The following RRP7A variants were observed in gnomAD, a reference collection of about 807,000 sequenced individuals.
The protein encoded by RRP7A is ribosomal RNA-processing protein 7 homolog A.
In RRP7A, 27 loss-of-function variants were observed where a neutral mutation model predicts 38.4. The observed-to-expected ratio is 0.70, with a 90% CI of 0.52 to 0.97. RRP7A has a LOEUF of 0.97. Among genes scored for constraint, RRP7A ranks in the 50% least tolerant of loss-of-function variants. The pLI, the probability that RRP7A is intolerant of heterozygous loss-of-function variation, is 0.00. For missense variants in RRP7A, 327 were observed against 375.4 expected, an observed-to-expected ratio of 0.87 and a Z score of 1.07; for synonymous variants, 124 against 150.3, an observed-to-expected ratio of 0.83 and a Z score of 1.28.
chr22:42,512,799 C>T lies in RRP7A; in HGVS notation c.*111G>A. On this transcript the variant is annotated 3_prime_UTR_variant, in exon 7 of 7. Transcript: ENST00000323013. Reference sequence around the variant, plus strand: ...TGATGGGGCTGTTGGACGCGGTGGCCTTCAACCTGGGGCCCGTTGGCCAGA... The same window carrying T: ...TGATGGGGCTGTTGGACGCGGTGGCTTTCAACCTGGGGCCCGTTGGCCAGA... 1 of 1,164,528 alleles carries T rather than the reference C, an allele frequency of 8.6e-7. No homozygotes were observed. The highest frequency in any genetic ancestry group is 1.3e-6 in the Non-Finnish European group (1 of 794,036). 72.1% of individuals were successfully genotyped at this position (1,164,528 alleles called of 1,614,324 possible). A position where few individuals can be genotyped will look rare whatever the true frequency, so the allele number is the denominator to read the frequency against.
chr22:42,517,382 G>A (rs1291360862), intron 2 of RRP7A, among the ~76,000 whole-genome samples: 17 of 147,890 alleles, frequency 1.1e-4, no homozygotes, highest in Admixed American at 4.0e-4. Context: ...AGTTGTGTTT[G>A]GATAGAATTA....
At position 42,514,106 on chromosome 22, in the gene RRP7A, G is replaced by T; in HGVS notation, c.757C>A (p.His253Asn). The T allele has an allele frequency of 1.9e-6, 3 of 1,611,730 alleles. No individual in the cohort carries two copies. Among genetic ancestry groups the T allele is most frequent in the Non-Finnish European group, 2.5e-6 (3 of 1,179,328 alleles). The stretch of plus-strand genomic sequence containing the variant: ...TGAGGATGGACTGGGGGTGGCTTAC[G>T]CTCCATCTTGCTCTCTCGATGCTGC... Reference protein sequence around the residue: ...AWQHRESKMEHLAQLRKKFEE... With the variant: ...AWQHRESKMENLAQLRKKFEE... Residue 253 changes from histidine to asparagine, a missense_variant and splice_region_variant, in exon 6 of 7, where the codon CAT becomes AAT. This residue lies in a region of RRP7A where 84 missense variants were observed against 82.8 expected (regional missense o/e 1.01). Transcript: ENST00000323013.
In RRP7A at chr22:42,509,457, C is replaced by T. The variant is rs1439688732; in HGVS notation, c.*3453G>A. ...AAACGATTCTCCTGCCTCAGCCTCCCGAGTAGCTGGGACTACAGGCGCCCG... is the reference window on the plus strand; with the variant it reads ...AAACGATTCTCCTGCCTCAGCCTCCTGAGTAGCTGGGACTACAGGCGCCCG... On this transcript the variant is annotated 3_prime_UTR_variant, in exon 7 of 7. Transcript: ENST00000323013. Among the ~76,000 whole-genome samples the T allele has an allele frequency of 1.3e-5, 2 of 150,588 alleles. No homozygotes were observed. The highest frequency in any genetic ancestry group is 3.9e-4 in the East Asian group (2 of 5,162).
chr22:42,518,359 G>A (rs866092990), intron 1 of RRP7A, among the ~76,000 whole-genome samples: 778 of 150,268 alleles, frequency 5.2e-3, no homozygotes, highest in African/African-American at 0.019. Context: ...GGCGGTGCAG[G>A]GAGAGAGAAG....
At chr22:42,515,686 G>A in intron 3 of RRP7A, among the ~76,000 whole-genome samples, 1 of 152,172 alleles carries the variant, frequency 6.6e-6, no homozygotes, top group East Asian at 1.9e-4. Flanking sequence ...CAGTGCTCCT[G>A]GAGACCCGGC....
rs1427503358 is a variant in RRP7A, at chr22:42,510,566, T to C, written c.*2344A>G. 31 of 608,080 alleles carry C rather than the reference T, an allele frequency of 5.1e-5. No homozygotes were observed. The highest frequency in any genetic ancestry group is 5.4e-6 in the Non-Finnish European group (2 of 367,478). The allele number at this position is 608,080 out of a possible 1,614,324, so 37.7% of individuals were successfully genotyped here. A position where few individuals can be genotyped will look rare whatever the true frequency, so the allele number is the denominator to read the frequency against. ...TCAGAGGCCTGAACCCAGGGCAGGA[T>C]GGGGGCACCGCTGGGAGGCGGTTCT... On this transcript the variant is annotated 3_prime_UTR_variant, in exon 7 of 7. Coordinates refer to ENST00000323013, the MANE Select transcript of RRP7A (RefSeq NM_015703.5).
chr22:42,516,092 A>G lies in RRP7A; in HGVS notation c.261T>C (p.Ser87=). ...RLLSTCGLVQ[S]VELQEKPDLA... ...GGTCCGGCTTCTCCTGCAACTCTAC[A>G]GACTGGACGAGGCCACAGGTGGACA... The change falls in exon 3 of 7, where the codon TCT becomes TCC. Residue 87 remains serine (S), a synonymous_variant. Coordinates refer to ENST00000323013, the MANE Select transcript of RRP7A (RefSeq NM_015703.5). 2 of 1,613,764 alleles carry G rather than the reference A, an allele frequency of 1.2e-6. No individual in the cohort carries two copies. The highest frequency in any genetic ancestry group is 1.7e-6 in the Non-Finnish European group (2 of 1,179,810).
intron 6 of RRP7A, among the ~76,000 whole-genome samples, chr22:42,513,214 G>A (rs1270854361): frequency 6.2e-5 from 9 of 145,016 alleles, no homozygotes; most frequent in Non-Finnish European, 1.4e-4. Context: ...CAAAGTGGGA[G>A]ATGCTGGCAC....
Position 42,512,846 on chromosome 22 carries a change from T to C in RRP7A, c.*64A>G, listed in dbSNP as rs1200928929. The C allele has an allele frequency of 5.9e-6, 9 of 1,533,136 alleles. No homozygotes were observed. The African/African-American group carries it at 8.2e-5, about 14-fold the overall frequency. The allele number at this position is 1,533,136 out of a possible 1,614,324, so 95.0% of individuals were successfully genotyped here. ...CAGAGCTCGGCCTCTCAGAGACCGCTGCAGGCCCTGCCTCGCCTCCTCCTG... is the reference window on the plus strand; with the variant it reads ...CAGAGCTCGGCCTCTCAGAGACCGCCGCAGGCCCTGCCTCGCCTCCTCCTG... On this transcript the variant is annotated 3_prime_UTR_variant, in exon 7 of 7. Coordinates refer to ENST00000323013, the MANE Select transcript of RRP7A (RefSeq NM_015703.5).
In RRP7A at chr22:42,509,830, T is replaced by A. The variant is rs1932390178; in HGVS notation, c.*3080A>T. The A allele has an allele frequency of 3.4e-5, 1 of 29,322 alleles. No individual in the cohort carries two copies. The highest frequency in any genetic ancestry group is 8.1e-5 in the Non-Finnish European group (1 of 12,356). The allele number at this position is 29,322 out of a possible 1,614,324, so 1.8% of individuals were successfully genotyped here. ...TCATGGTTGCTCAGGACCGGAAGCC[T>A]GTTGGGGGTGGGGGGGTGGGGTGTG... On this transcript the variant is annotated 3_prime_UTR_variant, in exon 7 of 7. Transcript: ENST00000323013.
chr22:42,514,087 T>G lies in RRP7A; in HGVS notation c.757+19A>C. On this transcript the variant is annotated intron_variant, in intron 6 of 6. Coordinates refer to ENST00000323013, the MANE Select transcript of RRP7A (RefSeq NM_015703.5). ...GGGCCAAGGCCGAGGGGTCTGAGGA[T>G]GGACTGGGGGTGGCTTACGCTCCAT... The G allele has an allele frequency of 6.2e-7, 1 of 1,607,754 alleles. No individual in the cohort carries two copies. The highest frequency in any genetic ancestry group is 8.5e-7 in the Non-Finnish European group (1 of 1,177,554).
chr22:42,512,548 T>C lies in RRP7A; in HGVS notation c.*362A>G, dbSNP rs1197856617. 2 of 540,064 alleles carry C rather than the reference T, an allele frequency of 3.7e-6. No homozygotes were observed. Among genetic ancestry groups the C allele is most frequent in the African/African-American group, 3.8e-5 (2 of 52,782 alleles). 33.5% of individuals were successfully genotyped at this position (540,064 alleles called of 1,614,324 possible). On this transcript the variant is annotated 3_prime_UTR_variant, in exon 7 of 7. Coordinates refer to ENST00000323013, the MANE Select transcript of RRP7A (RefSeq NM_015703.5). ...CCCAACTGGATGGAAAATAAAAGGTTCTTGTATTCTCACTGCTTTTGAGGC... is the reference window on the plus strand; with the variant it reads ...CCCAACTGGATGGAAAATAAAAGGTCCTTGTATTCTCACTGCTTTTGAGGC...
At chr22:42,517,284 A>T (rs1396752748) in intron 2 of RRP7A, among the ~76,000 whole-genome samples, 1 of 133,988 alleles carries the variant, frequency 7.5e-6, no homozygotes, top group East Asian at 2.5e-4. Flanking sequence ...AAATAAATAA[A>T]TAAATTAAAT....
chr22:42,518,354 T>A (rs1309415028), intron 1 of RRP7A, among the ~76,000 whole-genome samples: 1 of 150,088 alleles, frequency 6.7e-6, no homozygotes, highest in African/African-American at 2.5e-5. Context: ...CCCAAGGCGG[T>A]GCAGGGAGAG....
rs752559263 is a variant in RRP7A at position 42,512,867 on chromosome 22, TC to T, written c.*42del. 1 of 1,593,736 alleles carries T rather than the reference TC, an allele frequency of 6.3e-7. No homozygotes were observed. Among genetic ancestry groups the T allele is most frequent in the South Asian group, 1.1e-5 (1 of 89,846 alleles). On this transcript the variant is annotated 3_prime_UTR_variant, in exon 7 of 7. Coordinates refer to ENST00000323013, the MANE Select transcript of RRP7A (RefSeq NM_015703.5). ...CCGCTGCAGGCCCTGCCTCGCCTCCTCCTGGCCCTGCACCTCCAGCCATTCA... is the reference window on the plus strand; with the variant it reads ...CCGCTGCAGGCCCTGCCTCGCCTCCTCTGGCCCTGCACCTCCAGCCATTCA...
At chr22:42,515,597 T>G (rs1047771353) in intron 3 of RRP7A, among the ~76,000 whole-genome samples, 1 of 152,168 alleles carries the variant, frequency 6.6e-6, no homozygotes, top group African/African-American at 2.4e-5. Context: ...AAGCCAGGCC[T>G]GGGCGCACAC....
In RRP7A at chr22:42,513,444, G is replaced by A. The variant is rs574288897; in HGVS notation, c.758-449C>T. On this transcript the variant is annotated intron_variant, in intron 6 of 6. Coordinates refer to ENST00000323013, the MANE Select transcript of RRP7A (RefSeq NM_015703.5). ...GAAGCTGAGGGTCTAGAGCGAGCAC[G>A]AGCGGGAGCCAGGAGGGCCAGCCAG... Among the ~76,000 whole-genome samples the A allele has an allele frequency of 4.7e-3, 509 of 107,848 alleles. 1 individual carries two copies. The highest frequency in any genetic ancestry group is 0.015 in the African/African-American group (453 of 29,702). The allele number at this position is 107,848 out of a possible 152,430, so 70.8% of individuals were successfully genotyped here.
Position 42,512,828 on chromosome 22 carries a change from C to T in RRP7A, c.*82G>A, listed in dbSNP as rs1454275591. On this transcript the variant is annotated 3_prime_UTR_variant, in exon 7 of 7. Transcript: ENST00000323013. ...AACCTGGGGCCCGTTGGCCAGAGCTCGGCCTCTCAGAGACCGCTGCAGGCC... is the reference window on the plus strand; with the variant it reads ...AACCTGGGGCCCGTTGGCCAGAGCTTGGCCTCTCAGAGACCGCTGCAGGCC... 69 of 1,429,318 alleles carry T rather than the reference C, an allele frequency of 4.8e-5. 1 individual carries two copies. Among genetic ancestry groups the T allele is most frequent in the Non-Finnish European group, 6.3e-5 (65 of 1,029,074 alleles). The allele number at this position is 1,429,318 out of a possible 1,614,324, so 88.5% of individuals were successfully genotyped here. A position where few individuals can be genotyped will look rare whatever the true frequency, so the allele number is the denominator to read the frequency against.
intron 1 of RRP7A, among the ~76,000 whole-genome samples, chr22:42,519,354 G>C (rs538889598): frequency 1.2e-4 from 19 of 152,152 alleles, no homozygotes; most frequent in African/African-American, 4.6e-4. Flanking sequence ...AACAGCCCAG[G>C]TAAGAGCTGA....
Sources: gnomAD v4.1 joint callset for allele counts (sites outside exome capture counted in the v4.1 genomes callset) on GRCh38, gnomAD v4.1.1 for gene constraint, gnomAD v4.1.1 regional missense constraint, MANE v1.5 for transcripts, NCBI Gene and HGNC (gene_info 2026-07-23, HGNC 2026-07-21) for gene names.